Variants in YAF2 observed in about 807,000 individuals in gnomAD.
YAF2 encodes YY1-associated factor 2.
YAF2 carries 7 observed loss-of-function variants against 20.1 expected under a neutral mutation model. The observed-to-expected ratio is 0.35, with a 90% CI of 0.20 to 0.65. The LOEUF is 0.65. YAF2 is among the 30% of genes least tolerant of loss of function. The pLI is 0.69. For missense variants in YAF2, 151 were observed against 219.2 expected (o/e 0.69, Z 1.96); for synonymous variants, 74 against 76.0 (o/e 0.97, Z 0.14).
intron 2 of YAF2, among the ~76,000 whole-genome samples, chr12:42,198,478 TG>T (rs879870510): frequency 9.2e-5 from 14 of 152,248 alleles, no homozygotes; most frequent in Non-Finnish European, 1.6e-4. Context: ...CCCAGCTACC[TG>T]GGAGGCTGAG....
chr12:42,203,799 C>T (rs2066964925), intron 2 of YAF2, among the ~76,000 whole-genome samples: 1 of 152,152 alleles, frequency 6.6e-6, no homozygotes, highest in Non-Finnish European at 1.5e-5. Context: ...GATTTAAATG[C>T]TAAACTTGCC....
intron 2 of YAF2, among the ~76,000 whole-genome samples, chr12:42,174,116 ACT>A (rs953347985): frequency 4.1e-5 from 6 of 146,724 alleles, no homozygotes; most frequent in Admixed American, 6.8e-5. Flanking sequence ...AAAAAAAAAA[ACT>A]CTTTCCTGAG....
At chr12:42,165,978 C>T (rs577632849) in intron 2 of YAF2, among the ~76,000 whole-genome samples, 13 of 151,902 alleles carry the variant, frequency 8.6e-5, no homozygotes, top group Admixed American at 2.6e-4. Context: ...AGTGCGGTGG[C>T]GTGATCTTGG....
intron 2 of YAF2, chr12:42,199,102 G>T (rs1475842257): frequency 1.7e-6 from 2 of 1,171,598 alleles, no homozygotes; most frequent in African/African-American, 1.6e-5. Context: ...TCTTCAACAA[G>T]ATGATTTTAA....
At chr12:42,161,441 C>G (rs548406698) in intron 3 of YAF2, 172 bp downstream of exon 3, 6 of 604,150 alleles carry the variant, frequency 9.9e-6, no homozygotes, top group Non-Finnish European at 1.2e-5. Flanking sequence ...TTTCTGGCTT[C>G]TGTGTTTAAT....
Position 42,160,659 on chromosome 12 carries a change from G to C in YAF2, c.473C>G (p.Thr158Arg). ...AGATGACCTGGACATTCCTCTCTCTGTGTTATCAGAGCTAGAGCCGCTTTG... is the reference window on the plus strand; with the variant it reads ...AGATGACCTGGACATTCCTCTCTCTCTGTTATCAGAGCTAGAGCCGCTTTG... ...HSQSGSSSDN[T>R]ERGMSRSSSP... Residue 158 changes from threonine (T) to arginine (R), a missense_variant, in exon 4 of 4, where the codon ACA (threonine) becomes AGA (arginine). Transcript: ENST00000534854. The C allele has an allele frequency of 6.2e-7, 1 of 1,613,798 alleles. No individual in the cohort carries two copies. Among genetic ancestry groups the C allele is most frequent in the Non-Finnish European group, 8.5e-7 (1 of 1,179,876 alleles).
intron 2 of YAF2, among the ~76,000 whole-genome samples, chr12:42,223,594 C>A (rs2067588741): frequency 6.6e-6 from 1 of 152,084 alleles, no homozygotes; most frequent in Non-Finnish European, 1.5e-5. Context: ...ACCCTAGGCT[C>A]AAGCAATCCT....
Position 42,173,692 on chromosome 12 carries a change from A to T in YAF2, c.153-11927T>A, listed in dbSNP as rs558450274. ...TACAGCACCTTCTCCTTTCCAATCC[A>T]AGATTACTCTTGCTTCCATTAATTT... On this transcript the variant is annotated intron_variant, in intron 2 of 3. Transcript: ENST00000534854. 1.3e-3 allele frequency among the ~76,000 whole-genome samples: 200 copies of T among 152,312 alleles called. 1 individual carries two copies. The highest frequency in any genetic ancestry group is 2.1e-3 in the Non-Finnish European group (144 of 68,034).
intron 2 of YAF2, among the ~76,000 whole-genome samples, chr12:42,171,357 G>A (rs1394575653): frequency 6.6e-6 from 1 of 152,048 alleles, no homozygotes; most frequent in Non-Finnish European, 1.5e-5. Context: ...GCATAGTGGT[G>A]CATGCCTGTA....
intron 2 of YAF2, among the ~76,000 whole-genome samples, chr12:42,191,623 T>G (rs988784887): frequency 6.6e-6 from 1 of 152,184 alleles, no homozygotes; most frequent in Non-Finnish European, 1.5e-5. Flanking sequence ...TGCTATACAC[T>G]TATTTTACAC....
chr12:42,157,579 A>C lies in YAF2; in HGVS notation c.*3010T>G, dbSNP rs145931569. 6.6e-6 allele frequency: 1 copy of C among 152,322 alleles called. No individual in the cohort carries two copies. The highest frequency in any genetic ancestry group is 1.9e-4 in the East Asian group (1 of 5,192). 9.4% of individuals were successfully genotyped at this position (152,322 alleles called of 1,614,324 possible). ...ATTCTTTCAGTCTATAAGGATCTTT[A>C]TCTAAAAGTTAATAAACATGCTATC... On this transcript the variant is annotated 3_prime_UTR_variant, in exon 4 of 4. Coordinates refer to ENST00000534854, the MANE Select transcript of YAF2 (RefSeq NM_005748.6).
chr12:42,225,203 T>C (rs1286158180), intron 2 of YAF2, among the ~76,000 whole-genome samples: 4 of 152,138 alleles, frequency 2.6e-5, no homozygotes, highest in Admixed American at 6.5e-5. Flanking sequence ...TTGCCCACTT[T>C]TTGATGGGGT....
intron 2 of YAF2, among the ~76,000 whole-genome samples, chr12:42,220,182 TAC>T (rs1450030210): frequency 1.3e-5 from 2 of 152,146 alleles, no homozygotes; most frequent in East Asian, 3.8e-4. Context: ...TATGCAAAAA[TAC>T]AGAGTGGAAA....
intron 2 of YAF2, among the ~76,000 whole-genome samples, chr12:42,205,276 G>C (rs925551745): frequency 6.6e-6 from 1 of 151,384 alleles, no homozygotes; most frequent in African/African-American, 2.4e-5. Flanking sequence ...TTTTAAATTT[G>C]ACTATCAGTC....
intron 2 of YAF2, chr12:42,233,981 G>A: frequency 1.1e-6 from 1 of 882,576 alleles, no homozygotes; most frequent in Non-Finnish European, 1.4e-6. Flanking sequence ...GACCAGCCTG[G>A]CCAGCATAGT....
chr12:42,185,175 C>T (rs898823554), intron 2 of YAF2, among the ~76,000 whole-genome samples: 3 of 143,966 alleles, frequency 2.1e-5, no homozygotes, highest in African/African-American at 5.2e-5. Flanking sequence ...CAGACTTTGT[C>T]GCAAACAAAC....
rs545082065 is a variant in YAF2 at position 42,167,156 on chromosome 12, G to T, written c.153-5391C>A. Among the ~76,000 whole-genome samples the T allele has an allele frequency of 2.2e-3, 332 of 152,128 alleles. 1 individual carries two copies. Among genetic ancestry groups the T allele is most frequent in the African/African-American group, 7.8e-3 (325 of 41,512 alleles). On this transcript the variant is annotated intron_variant, in intron 2 of 3. Transcript: ENST00000534854. ...GCCTGTTGGGGAGTGGGGGGAAAGG[G>T]GAGGGAGAGTATTAGGACAAATACC...
At chr12:42,205,779 T>C in intron 2 of YAF2, 1 of 241,672 alleles carries the variant, frequency 4.1e-6, no homozygotes, top group Non-Finnish European at 8.7e-6. Flanking sequence ...AAGAGCTGGC[T>C]CATTTATTTT....
intron 2 of YAF2, chr12:42,237,286 C>T: frequency 1.7e-6 from 1 of 579,808 alleles, no homozygotes; most frequent in Non-Finnish European, 2.3e-6. Flanking sequence ...ATGCAGCCAA[C>T]ATTTTTATAC....
Sources: gnomAD v4.1 joint callset for allele counts (sites outside exome capture counted in the v4.1 genomes callset) on GRCh38, gnomAD v4.1.1 for gene constraint, MANE v1.5 for transcripts, NCBI Gene and HGNC (gene_info 2026-07-23, HGNC 2026-07-21) for gene names.